The following MYRIP variants were observed in gnomAD, a reference collection of about 807,000 sequenced individuals.
MYRIP encodes the protein myosin VIIA and Rab interacting protein, also known as rab effector MyRIP.
A neutral mutation model predicts 98.0 loss-of-function variants in MYRIP; 49 were observed. That is an observed-to-expected ratio of 0.50 (90% CI 0.40 to 0.63). MYRIP has a LOEUF of 0.63. MYRIP is among the 30% of genes least tolerant of loss of function. MYRIP has a pLI of 0.00. For missense variants in MYRIP, 1,004 were observed against 1,058.2 expected, an observed-to-expected ratio of 0.95 and a Z score of 0.71; for synonymous variants, 404 against 409.5, an observed-to-expected ratio of 0.99 and a Z score of 0.16.
At chr3:39,982,367 A>C (rs1227349557) in intron 2 of MYRIP, among the ~76,000 whole-genome samples, 2 of 152,154 alleles carry the variant, frequency 1.3e-5, no homozygotes, top group East Asian at 3.8e-4. Flanking sequence ...TTGGACCGCT[A>C]TTTATAGGTT....
rs148156355 is a variant in MYRIP at position 40,164,085 on chromosome 3, G to A, written c.550+1275G>A. The stretch of plus-strand genomic sequence containing the variant: ...CTTATAGGGTTCTTAACCCCAACTT[G>A]TCCTAGTCAAGCTCTTTAGCCACTG... On this transcript the variant is annotated intron_variant, in intron 5 of 16. Transcript: ENST00000302541. Among the ~76,000 whole-genome samples the A allele has an allele frequency of 2.0e-3, 305 of 152,168 alleles. 3 individuals are homozygous for A. The highest frequency in any genetic ancestry group is 7.2e-3 in the African/African-American group (298 of 41,518).
intron 3 of MYRIP, among the ~76,000 whole-genome samples, chr3:40,081,958 T>C (rs1948488284): frequency 2.0e-5 from 3 of 152,216 alleles, no homozygotes; most frequent in Admixed American, 1.3e-4. Context: ...TCACTTAGCA[T>C]GATGTCCTCC....
intron 12 of MYRIP, among the ~76,000 whole-genome samples, chr3:40,241,357 T>G (rs1953009178): frequency 6.6e-6 from 1 of 152,170 alleles, no homozygotes; most frequent in Non-Finnish European, 1.5e-5. Flanking sequence ...CCTACAACCC[T>G]TACAGCACTA....
intron 1 of MYRIP, among the ~76,000 whole-genome samples, chr3:39,887,546 C>G (rs558492586): frequency 3.2e-4 from 48 of 152,098 alleles, no homozygotes; most frequent in Admixed American, 1.5e-3. Context: ...TGAGAGCTAT[C>G]TATGACAAAC....
intron 11 of MYRIP, among the ~76,000 whole-genome samples, chr3:40,216,057 T>C (rs1222030379): frequency 6.6e-6 from 1 of 152,180 alleles, no homozygotes; most frequent in Admixed American, 6.5e-5. Context: ...CTCTTTTGGA[T>C]CTTCAAAAGA....
At chr3:39,830,467 G>A (rs777724443) in intron 1 of MYRIP, among the ~76,000 whole-genome samples, 5 of 151,890 alleles carry the variant, frequency 3.3e-5, no homozygotes, top group Non-Finnish European at 5.9e-5. Flanking sequence ...TCTATACCTC[G>A]TCACCATTCT....
At chr3:39,827,027 A>G (rs926157881) in intron 1 of MYRIP, among the ~76,000 whole-genome samples, 4 of 151,956 alleles carry the variant, frequency 2.6e-5, no homozygotes, top group African/African-American at 7.3e-5. Context: ...TCACCCCTTT[A>G]CTTTCAGTCT....
chr3:40,167,279 G>A lies in MYRIP; in HGVS notation c.729+40G>A, dbSNP rs202142968. On this transcript the variant is annotated intron_variant, in intron 7 of 16. Coordinates refer to ENST00000302541, the MANE Select transcript of MYRIP (RefSeq NM_015460.4). ...GCAGTGGGATGGCTGCAGTTTCCTG[G>A]CTGGGCCTGGTGCAGGGACTCTGGC... The A allele has an allele frequency of 6.9e-6, 11 of 1,586,480 alleles. No individual in the cohort carries two copies. In the Admixed American group the frequency reaches 1.7e-4, roughly 24 times the overall value.
intron 2 of MYRIP, among the ~76,000 whole-genome samples, chr3:39,925,486 CCTT>C (rs1944403533): frequency 6.6e-6 from 1 of 151,924 alleles, no homozygotes. Context: ...GTTCCCTCCT[CCTT>C]TTCTCCAGTA....
At chr3:39,997,304 A>C (rs917362438) in intron 2 of MYRIP, among the ~76,000 whole-genome samples, 33 of 152,290 alleles carry the variant, frequency 2.2e-4, no homozygotes, top group African/African-American at 7.2e-4. Flanking sequence ...AATAAAGAAG[A>C]AAAGAGAGAA....
chr3:39,954,314 G>A (rs1230698204), intron 2 of MYRIP, among the ~76,000 whole-genome samples: 1 of 152,048 alleles, frequency 6.6e-6, no homozygotes, highest in East Asian at 1.9e-4. Context: ...CCGAGATGAA[G>A]CTTCCAGAGG....
rs1317530421 is a variant in MYRIP at position 39,816,644 on chromosome 3, AG to A, written c.-31+6733del. 2.0e-5 allele frequency among the ~76,000 whole-genome samples: 3 copies of A among 152,260 alleles called. No homozygotes were observed. In the East Asian group the frequency reaches 5.8e-4, roughly 29 times the overall value. ...GGAGTCCTGAGGAGGAGGCTTCACTAGGGGGAGGCCGGCCCAAATGGAGTGG... is the reference window on the plus strand; with the variant it reads ...GGAGTCCTGAGGAGGAGGCTTCACTAGGGGAGGCCGGCCCAAATGGAGTGG... On this transcript the variant is annotated intron_variant, in intron 1 of 16. Coordinates refer to ENST00000302541, the MANE Select transcript of MYRIP (RefSeq NM_015460.4).
At chr3:39,888,174 A>T (rs1311962311) in intron 1 of MYRIP, among the ~76,000 whole-genome samples, 9 of 152,248 alleles carry the variant, frequency 5.9e-5, no homozygotes, top group East Asian at 3.9e-4. Flanking sequence ...ATTAGAAAAA[A>T]CTACTTTAAA....
At chr3:39,874,649 A>C (rs1223854044) in intron 1 of MYRIP, among the ~76,000 whole-genome samples, 1 of 152,032 alleles carries the variant, frequency 6.6e-6, no homozygotes, top group Non-Finnish European at 1.5e-5. Context: ...ACATTTATTG[A>C]TTTGCATATA....
At chr3:39,987,543 A>G (rs999988358) in intron 2 of MYRIP, among the ~76,000 whole-genome samples, 1 of 152,174 alleles carries the variant, frequency 6.6e-6, no homozygotes, top group South Asian at 2.1e-4. Flanking sequence ...GCTGGGTCAA[A>G]TGGTATGTCT....
intron 1 of MYRIP, among the ~76,000 whole-genome samples, chr3:39,877,775 G>T (rs1384281568): frequency 6.6e-6 from 1 of 152,180 alleles, no homozygotes; most frequent in African/African-American, 2.4e-5. Context: ...TCCCAGTTAG[G>T]CTGCTCGGGG....
chr3:39,823,631 G>T (rs1941179765), intron 1 of MYRIP, among the ~76,000 whole-genome samples: 1 of 152,100 alleles, frequency 6.6e-6, no homozygotes, highest in Non-Finnish European at 1.5e-5. Context: ...AAATATATTT[G>T]TGGAACATTT....
intron 10 of MYRIP, among the ~76,000 whole-genome samples, chr3:40,198,094 C>T (rs925950061): frequency 1.3e-5 from 2 of 152,238 alleles, no homozygotes; most frequent in African/African-American, 4.8e-5. Context: ...TACCCCAGGG[C>T]TTACGCTTTA....
intron 1 of MYRIP, among the ~76,000 whole-genome samples, chr3:39,859,510 TC>T (rs901126464): frequency 6.6e-6 from 1 of 152,214 alleles, no homozygotes; most frequent in African/African-American, 2.4e-5. Context: ...GGGAGCACTT[TC>T]AAATTCATTT....
Sources: gnomAD v4.1 joint callset for allele counts (sites outside exome capture counted in the v4.1 genomes callset) on GRCh38, gnomAD v4.1.1 for gene constraint, MANE v1.5 for transcripts, NCBI Gene and HGNC (gene_info 2026-07-23, HGNC 2026-07-21) for gene names.